MYCBP2: variants seen among roughly 807,000 people sequenced by gnomAD.
MYCBP2 encodes the protein MYC binding protein 2.
MYCBP2 carries 120 observed loss-of-function variants against 525.3 expected under a neutral mutation model. The observed-to-expected ratio is 0.23, with a 90% CI of 0.20 to 0.27. MYCBP2 has a LOEUF of 0.27. Among genes scored for constraint, MYCBP2 ranks in the 10% least tolerant of loss-of-function variants. The pLI, the probability that MYCBP2 is intolerant of heterozygous loss-of-function variation, is 1.00. For missense variants in MYCBP2, 4,149 were observed against 5,657.1 expected, an observed-to-expected ratio of 0.73 and a Z score of 8.55; for synonymous variants, 1,894 against 1,955.8, an observed-to-expected ratio of 0.97 and a Z score of 0.83.
rs775211460 is a variant in MYCBP2 at position 77,242,175 on chromosome 13, G to T, written c.2629+884C>A. ...TGTCGCCAGGCTGGAGTGCAGTGGT[G>T]CGATCATGGCTCACTGCAAGCTCCA... On this transcript the variant is annotated intron_variant, in intron 17 of 82. Transcript: ENST00000544440. Among the ~76,000 whole-genome samples, 7 of 152,154 alleles carry T rather than the reference G, an allele frequency of 4.6e-5. No homozygotes were observed. The South Asian group carries it at 1.2e-3, about 27-fold the overall frequency.
intron 65 of MYCBP2, among the ~76,000 whole-genome samples, chr13:77,079,626 C>T (rs969426508): frequency 1.1e-4 from 16 of 152,124 alleles, no homozygotes; most frequent in Admixed American, 2.6e-4. Flanking sequence ...TCAAGGAAAA[C>T]ATACATACAG....
chr13:77,055,897 G>T, intron 79 of MYCBP2, 130 bp from the exon 80 acceptor site: 1 of 662,100 alleles, frequency 1.5e-6, no homozygotes, highest in Non-Finnish European at 2.5e-6. Flanking sequence ...TAAATAAAAT[G>T]TCATTTGAAA....
intron 45 of MYCBP2, among the ~76,000 whole-genome samples, chr13:77,156,870 C>T (rs996815273): frequency 3.9e-5 from 6 of 152,168 alleles, no homozygotes; most frequent in African/African-American, 1.2e-4. Flanking sequence ...AGTAGTGAGG[C>T]TGACTTAAGT....
At chr13:77,226,281 T>C (rs2066255802) in intron 18 of MYCBP2, among the ~76,000 whole-genome samples, 1 of 152,186 alleles carries the variant, frequency 6.6e-6, no homozygotes, top group African/African-American at 2.4e-5. Flanking sequence ...GCTTTAAGCC[T>C]TTTCTTTACC....
At position 77,164,405 on chromosome 13, in the gene MYCBP2, A is replaced by C. The variant is rs375137786; in HGVS notation, c.6547+49T>G. The C allele has an allele frequency of 1.3e-4, 165 of 1,293,192 alleles. No homozygotes were observed. In the East Asian group the frequency reaches 2.0e-3, roughly 15 times the overall value. The allele number at this position is 1,293,192 out of a possible 1,614,324, so 80.1% of individuals were successfully genotyped here. A position where few individuals can be genotyped will look rare whatever the true frequency, so the allele number is the denominator to read the frequency against. Reference sequence around the variant, plus strand: ...TTTTGGCCCTTTTATAATACATACAAAACAAAACAAAACCCTATCAAAAAA... The same window carrying C: ...TTTTGGCCCTTTTATAATACATACACAACAAAACAAAACCCTATCAAAAAA... On this transcript the variant is annotated intron_variant, in intron 43 of 82. Transcript: ENST00000544440.
intron 21 of MYCBP2, among the ~76,000 whole-genome samples, chr13:77,212,651 T>C (rs2064182541): frequency 1.3e-5 from 2 of 152,186 alleles, no homozygotes; most frequent in Non-Finnish European, 2.9e-5. Flanking sequence ...GAAAAATATG[T>C]AATGTTGTTT....
chr13:77,120,948 G>A (rs1229161343), intron 55 of MYCBP2, among the ~76,000 whole-genome samples: 1 of 152,092 alleles, frequency 6.6e-6, no homozygotes, highest in Non-Finnish European at 1.5e-5. Flanking sequence ...TAAAGCTCAT[G>A]TGTAATATTA....
At chr13:77,146,414 A>C (rs1330641563) in intron 47 of MYCBP2, among the ~76,000 whole-genome samples, 197 bp from the exon 48 acceptor site, 2 of 151,632 alleles carry the variant, frequency 1.3e-5, no homozygotes, top group African/African-American at 4.8e-5. Context: ...AGTAAACACC[A>C]AAACTTAAAA....
intron 69 of MYCBP2, among the ~76,000 whole-genome samples, chr13:77,070,392 A>G (rs928170282): frequency 2.0e-5 from 3 of 152,176 alleles, no homozygotes; most frequent in African/African-American, 4.8e-5. Flanking sequence ...AAACTTTCTT[A>G]AAGTATTAGG....
chr13:77,183,958 T>C (rs967066626), intron 32 of MYCBP2, among the ~76,000 whole-genome samples: 1 of 152,168 alleles, frequency 6.6e-6, no homozygotes, highest in Non-Finnish European at 1.5e-5. Flanking sequence ...AAACCAACTT[T>C]TAGCTGTGTT....
At chr13:77,118,861 C>G (rs762299486) in intron 55 of MYCBP2, among the ~76,000 whole-genome samples, 9 of 152,060 alleles carry the variant, frequency 5.9e-5, no homozygotes, top group Non-Finnish European at 1.3e-4. Context: ...GTAAATGATG[C>G]CTTTTCCATA....
rs1406360099 is a variant in MYCBP2 at position 77,045,086 on chromosome 13, A to T, written c.*292T>A. 2 of 415,878 alleles carry T rather than the reference A, an allele frequency of 4.8e-6. No individual in the cohort carries two copies. Among genetic ancestry groups the T allele is most frequent in the Non-Finnish European group, 8.5e-6 (2 of 235,744 alleles). The allele number at this position is 415,878 out of a possible 1,614,324, so 25.8% of individuals were successfully genotyped here. A position where few individuals can be genotyped will look rare whatever the true frequency, so the allele number is the denominator to read the frequency against. ...TGGGCATGGCGATTCTTTTATATCAATTATCTATAAATGTCCAATGCTTCA... is the reference window on the plus strand; with the variant it reads ...TGGGCATGGCGATTCTTTTATATCATTTATCTATAAATGTCCAATGCTTCA... On this transcript the variant is annotated 3_prime_UTR_variant, in exon 83 of 83. Transcript: ENST00000544440.
At chr13:77,213,800 T>TA (rs2064384771) in intron 21 of MYCBP2, among the ~76,000 whole-genome samples, 1 of 152,170 alleles carries the variant, frequency 6.6e-6, no homozygotes, top group Admixed American at 6.5e-5. Context: ...GACACAAAAA[T>TA]ATGCTGTGCA....
chr13:77,247,562 T>C (rs982501161), intron 15 of MYCBP2, among the ~76,000 whole-genome samples: 1 of 152,170 alleles, frequency 6.6e-6, no homozygotes, highest in Admixed American at 6.5e-5. Context: ...TTTTACAAAA[T>C]AGAAAAACCT....
chr13:77,054,460 G>A (rs1352280140), intron 80 of MYCBP2, among the ~76,000 whole-genome samples: 1 of 152,124 alleles, frequency 6.6e-6, no homozygotes, highest in Non-Finnish European at 1.5e-5. Context: ...TTCTACACCC[G>A]AGCTCAGGAA....
chr13:77,233,963 C>T (rs184742981), intron 17 of MYCBP2, among the ~76,000 whole-genome samples: 1 of 151,784 alleles, frequency 6.6e-6, no homozygotes, highest in African/African-American at 2.4e-5. Flanking sequence ...TTGGAAACAT[C>T]TTTCATTAAA....
intron 71 of MYCBP2, 150 bp downstream of exon 71, chr13:77,067,431 T>C: frequency 1.4e-6 from 1 of 712,966 alleles, no homozygotes; most frequent in Non-Finnish European, 2.3e-6. Context: ...ACTTTTATTA[T>C]ATACATGACC....
chr13:77,220,106 T>C (rs983759004), intron 20 of MYCBP2, among the ~76,000 whole-genome samples: 8 of 152,076 alleles, frequency 5.3e-5, no homozygotes, highest in East Asian at 1.9e-4. Flanking sequence ...ATAGGAAATA[T>C]TAAGATTGAT....
chr13:77,243,693 CATTA>C, intron 16 of MYCBP2, 109 bp downstream of exon 16: 9 of 882,496 alleles, frequency 1.0e-5, no homozygotes, highest in South Asian at 9.6e-5. Context: ...GTATTGCATA[CATTA>C]ATTATTATCC....
Sources: allele counts gnomAD v4.1 joint callset (sites outside exome capture counted in the v4.1 genomes callset), GRCh38; gene constraint gnomAD v4.1.1; transcripts MANE v1.5; gene names NCBI Gene and HGNC (gene_info 2026-07-23, HGNC 2026-07-21).